The following NWD2 variants were observed in gnomAD, a reference collection of about 807,000 sequenced individuals.
The protein encoded by NWD2 is NACHT and WD repeat domain containing 2.
In NWD2, 37 loss-of-function variants were observed where a neutral mutation model predicts 132.7. The observed-to-expected ratio is 0.28, with a 90% CI of 0.21 to 0.37. The LOEUF (loss-of-function observed/expected upper bound fraction) is 0.37. Among genes scored for constraint, NWD2 ranks in the 10% least tolerant of loss-of-function variants. NWD2 has a pLI of 1.00. For missense variants in NWD2, 1,592 were observed against 2,122.4 expected (o/e 0.75, Z 4.91); for synonymous variants, 705 against 803.0 (o/e 0.88, Z 2.06).
chr4:37,335,266 T>C (rs1291482641), intron 2 of NWD2, among the ~76,000 whole-genome samples: 1 of 120,474 alleles, frequency 8.3e-6, no homozygotes, highest in Non-Finnish European at 1.6e-5. Context: ...CCCTGAATTT[T>C]CTCACCCACT....
chr4:37,357,900 G>C (rs969692846), intron 3 of NWD2, among the ~76,000 whole-genome samples: 1 of 152,118 alleles, frequency 6.6e-6, no homozygotes, highest in Non-Finnish European at 1.5e-5. Context: ...GAAAGAACCA[G>C]GTGTGGATAT....
intron 1 of NWD2, among the ~76,000 whole-genome samples, chr4:37,294,981 T>TG (rs1366995102): frequency 2.6e-5 from 4 of 152,164 alleles, no homozygotes; most frequent in Non-Finnish European, 5.9e-5. Context: ...AGGGAGGGTA[T>TG]GGTCACATTA....
chr4:37,385,220 C>T (rs1720535969), intron 3 of NWD2, among the ~76,000 whole-genome samples: 1 of 152,044 alleles, frequency 6.6e-6, no homozygotes, highest in Admixed American at 6.6e-5. Context: ...TTTCCAAATT[C>T]CCAATAACAG....
intron 1 of NWD2, among the ~76,000 whole-genome samples, chr4:37,250,055 ATTC>A (rs1717325967): frequency 6.6e-6 from 1 of 152,080 alleles, no homozygotes; most frequent in South Asian, 2.1e-4. Context: ...CTTCATCATT[ATTC>A]TTCTTACTTT....
At chr4:37,282,503 T>C (rs1213908998) in intron 1 of NWD2, among the ~76,000 whole-genome samples, 5 of 152,204 alleles carry the variant, frequency 3.3e-5, no homozygotes, top group African/African-American at 1.2e-4. Flanking sequence ...AAATAAACAG[T>C]AATTCAGTAA....
At chr4:37,302,105 A>G (rs1718623357) in intron 1 of NWD2, among the ~76,000 whole-genome samples, 1 of 151,312 alleles carries the variant, frequency 6.6e-6, no homozygotes, top group African/African-American at 2.4e-5. Flanking sequence ...GCCTCTCTTT[A>G]TTCCCTTACC....
chr4:37,380,304 T>C (rs949919087), intron 3 of NWD2, among the ~76,000 whole-genome samples: 2 of 152,212 alleles, frequency 1.3e-5, no homozygotes, highest in Non-Finnish European at 2.9e-5. Flanking sequence ...TCCTAATGTG[T>C]GCTGCAGTAG....
chr4:37,392,653 G>A (rs889531628), intron 3 of NWD2, among the ~76,000 whole-genome samples: 2 of 152,204 alleles, frequency 1.3e-5, no homozygotes, highest in African/African-American at 4.8e-5. Flanking sequence ...GTGCGAGTGG[G>A]CAGGGAGTCA....
At chr4:37,434,108 C>A in intron 5 of NWD2, 88 bp downstream of exon 5, 1 of 745,160 alleles carries the variant, frequency 1.3e-6, no homozygotes, top group Non-Finnish European at 2.0e-6. Flanking sequence ...CAAATTTAAT[C>A]TCATTTACTG....
At chr4:37,427,040 G>C (rs543697099) in intron 3 of NWD2, among the ~76,000 whole-genome samples, 1 of 151,502 alleles carries the variant, frequency 6.6e-6, no homozygotes, top group South Asian at 2.1e-4. Flanking sequence ...TTGGATTGTA[G>C]TAGCTAGTCC....
At chr4:37,292,848 G>A (rs1718392734) in intron 1 of NWD2, among the ~76,000 whole-genome samples, 1 of 152,058 alleles carries the variant, frequency 6.6e-6, no homozygotes, top group South Asian at 2.1e-4. Flanking sequence ...ACTTCTTTGA[G>A]AATCTAATGC....
At chr4:37,419,289 T>C (rs1241335088) in intron 3 of NWD2, among the ~76,000 whole-genome samples, 2 of 152,102 alleles carry the variant, frequency 1.3e-5, no homozygotes, top group African/African-American at 2.4e-5. Flanking sequence ...CCTAGGACCA[T>C]AAAAGTCCTG....
At chr4:37,260,377 A>G (rs113952660) in intron 1 of NWD2, among the ~76,000 whole-genome samples, 5 of 152,282 alleles carry the variant, frequency 3.3e-5, no homozygotes, top group African/African-American at 1.2e-4. Flanking sequence ...GTATTGCATT[A>G]TTCCATTTCT....
intron 5 of NWD2, 56 bp from the exon 6 acceptor site, chr4:37,438,745 T>C (rs1476114317): frequency 8.6e-7 from 1 of 1,165,442 alleles, no homozygotes; most frequent in African/African-American, 1.6e-5. Context: ...ATTGAGAATG[T>C]GGGTGTGTTG....
chr4:37,431,609 G>C lies in NWD2; in HGVS notation c.561+834G>C, dbSNP rs539314677. On this transcript the variant is annotated intron_variant, in intron 4 of 6. Transcript: ENST00000309447. ...AAACCTGAAATTGGCTGAGAGAGCA[G>C]ATCTCAAGTGTTCTTACCACCCACC... Among the ~76,000 whole-genome samples the C allele has an allele frequency of 7.2e-5, 11 of 152,304 alleles. No homozygotes were observed. In the South Asian group the frequency reaches 2.3e-3, roughly 32 times the overall value.
At chr4:37,260,854 G>A (rs1294124738) in intron 1 of NWD2, among the ~76,000 whole-genome samples, 1 of 152,142 alleles carries the variant, frequency 6.6e-6, no homozygotes, top group African/African-American at 2.4e-5. Flanking sequence ...ATCCTGAATT[G>A]TGTAATAGAA....
In NWD2 at chr4:37,444,687, A is replaced by G; in HGVS notation, c.2699A>G (p.Lys900Arg). Residue 900 changes from lysine (K) to arginine (R), a missense_variant, in exon 7 of 7, where the codon AAA becomes AGA. By Grantham distance (26) the Lys-to-Arg change is conservative. Around this residue, in one of 7 missense-constraint regions of NWD2, gnomAD observed 1,071 missense variants for 1,398.0 expected, o/e 0.77. Coordinates refer to ENST00000309447, the MANE Select transcript of NWD2 (RefSeq NM_001144990.2). This position sits in a 1 kb window ranked among gnomAD's most constrained non-coding sequence, Gnocchi z 4.8. ...CTGGCCAACACCCTCCGCAGCATCAAAAACAAGGTCACTGCATTTCCCGGC... is the reference window on the plus strand; with the variant it reads ...CTGGCCAACACCCTCCGCAGCATCAGAAACAAGGTCACTGCATTTCCCGGC... ...KFLANTLRSI[K>R]NKVTAFPGSL... 6.4e-7 allele frequency: 1 copy of G among 1,552,234 alleles called. No homozygotes were observed. The highest frequency in any genetic ancestry group is 1.4e-5 in the African/African-American group (1 of 73,188).
chr4:37,371,533 A>G (rs1311419130), intron 3 of NWD2, among the ~76,000 whole-genome samples: 1 of 152,248 alleles, frequency 6.6e-6, no homozygotes, highest in Admixed American at 6.5e-5. Flanking sequence ...TGATATGAAA[A>G]TGACTTTGCT....
intron 2 of NWD2, among the ~76,000 whole-genome samples, chr4:37,346,646 A>G (rs1377041369): frequency 6.6e-6 from 1 of 152,208 alleles, no homozygotes; most frequent in Non-Finnish European, 1.5e-5. Context: ...ATCTATGAAC[A>G]TGGAATGTCT....
Sources: allele counts gnomAD v4.1 joint callset (sites outside exome capture counted in the v4.1 genomes callset), GRCh38; gene constraint gnomAD v4.1.1; regional missense constraint gnomAD v4.1.1; non-coding constraint Gnocchi (gnomAD v3.1); transcripts MANE v1.5; gene names NCBI Gene and HGNC (gene_info 2026-07-23, HGNC 2026-07-21).